Variants in KCNU1 observed in about 807,000 individuals in gnomAD.
The protein encoded by KCNU1 is potassium channel subfamily U member 1.
A neutral mutation model predicts 126.8 loss-of-function variants in KCNU1; 93 were observed. The ratio of observed to expected loss-of-function variants is 0.73; its 90% confidence interval spans 0.62 to 0.87. The LOEUF is 0.87. KCNU1 is among the 40% of genes least tolerant of loss of function. KCNU1 has a pLI of 0.00. For missense variants in KCNU1, 1,330 were observed against 1,367.1 expected, an observed-to-expected ratio of 0.97 and a Z score of 0.43; for synonymous variants, 523 against 494.2, an observed-to-expected ratio of 1.06 and a Z score of -0.77.
At chr8:36,901,568 T>C (rs201498473) in intron 19 of KCNU1, among the ~76,000 whole-genome samples, 2 of 151,904 alleles carry the variant, frequency 1.3e-5, no homozygotes, top group African/African-American at 4.8e-5. Context: ...CAGAAAGGAA[T>C]GCTTATTTGC....
intron 23 of KCNU1, among the ~76,000 whole-genome samples, chr8:36,921,883 T>C (rs915723764): frequency 6.6e-6 from 1 of 152,088 alleles, no homozygotes; most frequent in Non-Finnish European, 1.5e-5. Flanking sequence ...GTGCCATCCA[T>C]GAATCGGCAA....
intron 19 of KCNU1, chr8:36,888,801 C>A (rs901872579): frequency 1.4e-4 from 71 of 524,320 alleles, no homozygotes; most frequent in South Asian, 9.8e-4. Flanking sequence ...GAACAGAGAC[C>A]AGAAAGAGTG....
chr8:36,799,514 T>A (rs997920763), intron 2 of KCNU1, among the ~76,000 whole-genome samples: 6 of 151,892 alleles, frequency 4.0e-5, no homozygotes, highest in Non-Finnish European at 1.5e-5. Context: ...ATTATAGTTG[T>A]TTCCCTTGCA....
intron 12 of KCNU1, 76 bp downstream of exon 12, chr8:36,834,944 AT>A: frequency 1.1e-6 from 1 of 929,768 alleles, no homozygotes; most frequent in Non-Finnish European, 1.7e-6. Context: ...GTACATAAGC[AT>A]AAAAAGGAGA....
chr8:36,810,838 C>A (rs1192154871), intron 7 of KCNU1, among the ~76,000 whole-genome samples: 1 of 151,552 alleles, frequency 6.6e-6, no homozygotes, highest in Non-Finnish European at 1.5e-5. Context: ...CCCAAGGGAA[C>A]AAAGGAAAAG....
chr8:36,826,393 A>G (rs1278542925), intron 10 of KCNU1, among the ~76,000 whole-genome samples: 1 of 151,934 alleles, frequency 6.6e-6, no homozygotes, highest in Non-Finnish European at 1.5e-5. Context: ...TATTGTTAGT[A>G]GAGATGGGGT....
intron 19 of KCNU1, among the ~76,000 whole-genome samples, chr8:36,898,808 C>T (rs1408952605): frequency 6.6e-6 from 1 of 151,532 alleles, no homozygotes; most frequent in Non-Finnish European, 1.5e-5. Flanking sequence ...GGAAAGAGCA[C>T]CTAAAACTAC....
At chr8:36,928,610 T>C (rs185622210) in intron 24 of KCNU1, among the ~76,000 whole-genome samples, 73 of 152,318 alleles carry the variant, frequency 4.8e-4, no homozygotes, top group Admixed American at 2.6e-3. Context: ...CTAATTCATA[T>C]AGATTATATT....
chr8:36,894,646 T>C (rs1474223742), intron 19 of KCNU1, among the ~76,000 whole-genome samples: 1 of 151,986 alleles, frequency 6.6e-6, no homozygotes, highest in Admixed American at 6.6e-5. Context: ...ATTCAAGGAG[T>C]CAAGGCAGAG....
At chr8:36,818,380 C>T (rs1446926158) in intron 10 of KCNU1, among the ~76,000 whole-genome samples, 1 of 151,986 alleles carries the variant, frequency 6.6e-6, no homozygotes, top group Admixed American at 6.6e-5. Flanking sequence ...TCATCCTCTC[C>T]TATTAAGTGG....
At chr8:36,787,952 A>AG in intron 2 of KCNU1, among the ~76,000 whole-genome samples, 1 of 151,232 alleles carries the variant, frequency 6.6e-6, no homozygotes, top group South Asian at 2.1e-4. Flanking sequence ...AAGCTTTGTT[A>AG]GGGCAATATT....
intron 16 of KCNU1, among the ~76,000 whole-genome samples, chr8:36,841,943 CAAAT>C (rs987800111): frequency 2.7e-5 from 4 of 149,596 alleles, no homozygotes; most frequent in Non-Finnish European, 4.4e-5. Flanking sequence ...AAAAGAAAGA[CAAAT>C]AGATACTATA....
chr8:36,829,572 A>AT (rs143426884), intron 10 of KCNU1, among the ~76,000 whole-genome samples: 7,714 of 149,780 alleles, frequency 0.052, 367 homozygotes, highest in East Asian at 0.26. Flanking sequence ...TTTACCTTTT[A>AT]TTTTTTTTTA....
intron 23 of KCNU1, among the ~76,000 whole-genome samples, chr8:36,919,642 G>A (rs1220052402): frequency 1.3e-5 from 2 of 152,074 alleles, no homozygotes; most frequent in Admixed American, 6.6e-5. Context: ...GAGTATAGTC[G>A]AAGGGAAAAG....
intron 10 of KCNU1, among the ~76,000 whole-genome samples, chr8:36,832,695 A>G (rs572608802): frequency 3.9e-5 from 6 of 152,038 alleles, no homozygotes; most frequent in Admixed American, 3.3e-4. Context: ...GATGTGGTTT[A>G]TCTTCTCTGT....
At position 36,935,524 on chromosome 8, in the gene KCNU1, C is replaced by A. The variant is rs531638694; in HGVS notation, c.3054C>A (p.Ile1018=). 34 of 1,594,898 alleles carry A rather than the reference C, an allele frequency of 2.1e-5. No homozygotes were observed. In the South Asian group the frequency reaches 3.4e-4, roughly 16 times the overall value. ...ELNPENKRFV[I]TRPANEFKLL... ...TTGACTTGTCTTACAGGTTTGTGAT[C>A]ACCCGGCCAGCCAATGAGTTCAAGC... The change falls in exon 27 of 27, where the codon ATC becomes ATA. Residue 1018 remains isoleucine, a synonymous_variant. Transcript: ENST00000399881.
intron 19 of KCNU1, among the ~76,000 whole-genome samples, chr8:36,884,577 A>G (rs1480894539): frequency 6.6e-6 from 1 of 152,008 alleles, no homozygotes; most frequent in Non-Finnish European, 1.5e-5. Flanking sequence ...CTCTACTAAA[A>G]GTACAAAAAT....
chr8:36,855,812 G>A (rs1424227006), intron 18 of KCNU1, among the ~76,000 whole-genome samples: 1 of 151,836 alleles, frequency 6.6e-6, no homozygotes. Flanking sequence ...TAGTTTTCCT[G>A]GGTATAAAAT....
chr8:36,896,806 G>A (rs1013091311), intron 19 of KCNU1, among the ~76,000 whole-genome samples: 2 of 151,946 alleles, frequency 1.3e-5, no homozygotes, highest in African/African-American at 4.8e-5. Flanking sequence ...AGAGATTATA[G>A]GAAAACATTT....
Sources: allele counts gnomAD v4.1 joint callset (sites outside exome capture counted in the v4.1 genomes callset), GRCh38; gene constraint gnomAD v4.1.1; transcripts MANE v1.5; gene names NCBI Gene and HGNC (gene_info 2026-07-23, HGNC 2026-07-21).